The following SLFN11 variants were observed in gnomAD, a reference collection of about 807,000 sequenced individuals.
The protein encoded by SLFN11 is schlafen family member 11.
SLFN11 carries 43 observed loss-of-function variants against 53.4 expected under a neutral mutation model. The ratio of observed to expected loss-of-function variants is 0.80; its 90% CI spans 0.63 to 1.04. SLFN11 has a LOEUF of 1.04. Among genes scored for constraint, SLFN11 ranks in the 50% least tolerant of loss-of-function variants. The probability of loss-of-function intolerance (pLI) is 0.00; values close to 1 mark genes in which losing one functional copy is unlikely to be tolerated. For missense variants in SLFN11, 990 were observed against 1,079.1 expected, an observed-to-expected ratio of 0.92 and a Z score of 1.16; for synonymous variants, 389 against 394.7, an observed-to-expected ratio of 0.99 and a Z score of 0.17.
intron 1 of SLFN11, among the ~76,000 whole-genome samples, chr17:35,369,866 A>G (rs1909433522): frequency 6.6e-6 from 1 of 152,142 alleles, no homozygotes; most frequent in Non-Finnish European, 1.5e-5. Context: ...GAACAAAGCC[A>G]TAATAAAAAG....
intron 5 of SLFN11, among the ~76,000 whole-genome samples, chr17:35,357,763 A>G (rs1218289450): frequency 6.9e-6 from 1 of 145,446 alleles, no homozygotes; most frequent in Non-Finnish European, 1.5e-5. Context: ...TAATATAAAT[A>G]TATAATATAT....
chr17:35,352,500 A>G lies in SLFN11; in HGVS notation c.2562T>C (p.Val854=), dbSNP rs769463245. 2.7e-5 allele frequency: 43 copies of G among 1,614,164 alleles called. No individual in the cohort carries two copies. The East Asian group carries it at 4.5e-4, about 17-fold the overall frequency. Residue 854 remains valine (V), a synonymous_variant, in exon 7 of 7, where the codon GTT becomes GTC. Coordinates refer to ENST00000685675, the MANE Select transcript of SLFN11 (RefSeq NM_001376007.1). ...MLGDHIVLDS[V]RRFSGLERSI... ...TCCTTTCCAGGCCTGAGAATCGCCGAACACTGTCCAACACAATGTGATCAC... is the reference window on the plus strand; with the variant it reads ...TCCTTTCCAGGCCTGAGAATCGCCGGACACTGTCCAACACAATGTGATCAC...
Position 35,363,471 on chromosome 17 carries a change from C to T in SLFN11, c.337G>A (p.Gly113Ser). 1 of 1,613,926 alleles carries T rather than the reference C, an allele frequency of 6.2e-7. No individual in the cohort carries two copies. The highest frequency in any genetic ancestry group is 8.5e-7 in the Non-Finnish European group (1 of 1,179,966). ...ACAGAGCGATCTTCAGGGAAAGGGC[C>T]ACTGCTCCAAGATTTAACAAAAATG... ...FYIFVKSWSS[G>S]PFPEDRSVKP... Residue 113 changes from glycine (G) to serine (S), a missense_variant, in exon 4 of 7, where the codon GGC becomes AGC. By Grantham distance (56) the Gly-to-Ser change is moderately conservative. Around this residue, in one of 3 missense-constraint regions of SLFN11, gnomAD observed 521 missense variants for 516.2 expected, o/e 1.01. Coordinates refer to ENST00000685675, the MANE Select transcript of SLFN11 (RefSeq NM_001376007.1).
rs371572826 is a variant in SLFN11 at position 35,353,137 on chromosome 17, T to A, written c.1925A>T (p.Asp642Val). ...GGTCTCTGCTCGGCAGATATTTCTA[T>A]CACTGTAAAAATTAAAAGAACACAC... ...ENQPLRNFIS[D>V]RNICRAETRK... is the part of the protein sequence containing the mutation. Residue 642 changes from aspartate (D) to valine (V), a missense_variant and splice_region_variant, in exon 7 of 7, where the codon GAT becomes GTT. Asp to Val is a radical substitution (Grantham distance 152). Transcript: ENST00000685675. 12 of 1,610,236 alleles carry A rather than the reference T, an allele frequency of 7.5e-6. No homozygotes were observed. Among genetic ancestry groups the A allele is most frequent in the South Asian group, 4.4e-5 (4 of 90,306 alleles).
In SLFN11 at chr17:35,370,279, T is replaced by C. The variant is rs77327537; in HGVS notation, c.-234-2579A>G. ...TGAGAAAGCACTTAATAAAACTCAT[T>C]ATCCCTTCATGGAAAACTCCTCAAA... On this transcript the variant is annotated intron_variant, in intron 1 of 6. Transcript: ENST00000685675. 7.2e-5 allele frequency among the ~76,000 whole-genome samples: 11 copies of C among 152,196 alleles called. No individual in the cohort carries two copies. The East Asian group carries it at 2.1e-3, about 29-fold the overall frequency.
chr17:35,356,906 A>T (rs1343858400), intron 5 of SLFN11, among the ~76,000 whole-genome samples: 1 of 151,844 alleles, frequency 6.6e-6, no homozygotes. Context: ...CCTCCAATGG[A>T]GTTGTACCAA....
At chr17:35,371,506 A>G (rs1909654124) in intron 1 of SLFN11, among the ~76,000 whole-genome samples, 1 of 152,146 alleles carries the variant, frequency 6.6e-6, no homozygotes. Context: ...CTGCACAGCA[A>G]AGAACGCAAT....
chr17:35,363,832 A>G lies in SLFN11; in HGVS notation c.-19-6T>C. Reference sequence around the variant, plus strand: ...TGTTGAACTCACAGCTGAAACTATTAGAAGAAATGAAGTGTTACATGCATG... The same window carrying G: ...TGTTGAACTCACAGCTGAAACTATTGGAAGAAATGAAGTGTTACATGCATG... On this transcript the variant is annotated splice_region_variant and splice_polypyrimidine_tract_variant and intron_variant, in intron 3 of 6. Transcript: ENST00000685675. 6.5e-7 allele frequency: 1 copy of G among 1,530,120 alleles called. No individual in the cohort carries two copies. The highest frequency in any genetic ancestry group is 8.8e-7 in the Non-Finnish European group (1 of 1,142,008). The allele number at this position is 1,530,120 out of a possible 1,614,324, so 94.8% of individuals were successfully genotyped here. A position where few individuals can be genotyped will look rare whatever the true frequency, so the allele number is the denominator to read the frequency against.
At chr17:35,372,628 T>C (rs1266417944) in intron 1 of SLFN11, among the ~76,000 whole-genome samples, 1 of 151,990 alleles carries the variant, frequency 6.6e-6, no homozygotes, top group Non-Finnish European at 1.5e-5. Context: ...TAAAAACTAA[T>C]GAGCATAATT....
rs1013264563 is a variant in SLFN11, at chr17:35,360,281, A to T, written c.1160T>A (p.Leu387Gln). 5.6e-6 allele frequency: 9 copies of T among 1,611,376 alleles called. No homozygotes were observed. The highest frequency in any genetic ancestry group is 1.3e-5 in the African/African-American group (1 of 74,444). The change falls in exon 5 of 7, where the codon CTG (leucine) becomes CAG (glutamine). Residue 387 changes from leucine to glutamine, a missense_variant. By Grantham distance (113) the Leu-to-Gln change is moderately radical (BLOSUM62 -2). This residue lies in a region of SLFN11 where 521 missense variants were observed against 516.2 expected (regional missense o/e 1.01). Coordinates refer to ENST00000685675, the MANE Select transcript of SLFN11 (RefSeq NM_001376007.1). ...TTGCTGGAGTTCCTTTTTATGTTCC[A>T]GGCCTTTCTTGGAGTACACTGGTCT... ...LSRPVYSKKG[L>Q]EHKKELQQLL...
chr17:35,373,272 C>A (rs998285969), intron 1 of SLFN11, among the ~76,000 whole-genome samples: 122 of 141,444 alleles, frequency 8.6e-4, no homozygotes, highest in Non-Finnish European at 1.6e-3. Flanking sequence ...CCATTACCCA[C>A]CCCCGCCCCG....
chr17:35,352,482 C>G lies in SLFN11; in HGVS notation c.2580G>C (p.Leu860=). Reference sequence around the variant, plus strand: ...GGATCCCAAACACTATGCTCCTTTCCAGGCCTGAGAATCGCCGAACACTGT... The same window carrying G: ...GGATCCCAAACACTATGCTCCTTTCGAGGCCTGAGAATCGCCGAACACTGT... ...VLDSVRRFSG[L]ERSIVFGIHP... Residue 860 remains leucine (L), a synonymous_variant, in exon 7 of 7, where the codon CTG becomes CTC. Transcript: ENST00000685675. 1 of 1,614,160 alleles carries G rather than the reference C, an allele frequency of 6.2e-7. No individual in the cohort carries two copies. The highest frequency in any genetic ancestry group is 8.5e-7 in the Non-Finnish European group (1 of 1,180,024).
chr17:35,368,127 T>C (rs1909198220), intron 1 of SLFN11, among the ~76,000 whole-genome samples: 1 of 152,072 alleles, frequency 6.6e-6, no homozygotes, highest in African/African-American at 2.4e-5. Flanking sequence ...TCTGGGTGGT[T>C]CTTATTTTTT....
rs767890093 is a variant in SLFN11 at position 35,352,917 on chromosome 17, G to A, written c.2145C>T (p.Leu715=). 5.5e-5 allele frequency: 88 copies of A among 1,614,178 alleles called. 1 individual carries two copies. The South Asian group carries it at 8.7e-4, about 16-fold the overall frequency. ...TTGGATATTGGTCTGAGAGAGGAGGGAGGCCACTGCAATCCAAGTGGCTGG... is the reference window on the plus strand; with the variant it reads ...TTGGATATTGGTCTGAGAGAGGAGGAAGGCCACTGCAATCCAAGTGGCTGG... ...FQTSHLDCSG[L]PPLSDQYPRE... Residue 715 remains leucine, a synonymous_variant, in exon 7 of 7, where the codon CTC becomes CTT. Coordinates refer to ENST00000685675, the MANE Select transcript of SLFN11 (RefSeq NM_001376007.1).
At chr17:35,360,478 G>A (rs1367210428) in intron 4 of SLFN11, 107 bp from the exon 5 acceptor site, 8 of 1,066,496 alleles carry the variant, frequency 7.5e-6, no homozygotes, top group African/African-American at 1.7e-5. Context: ...TGACTTGAGA[G>A]ATAATATCAA....
In SLFN11 at chr17:35,353,842, G is replaced by A. The variant is rs778445384; in HGVS notation, c.1416C>T (p.Leu472=). 5 of 1,606,068 alleles carry A rather than the reference G, an allele frequency of 3.1e-6. No individual in the cohort carries two copies. Among genetic ancestry groups the A allele is most frequent in the African/African-American group, 2.7e-5 (2 of 74,238 alleles). Reference sequence around the variant, plus strand: ...CATCTTGCTCCCTGAGAATGGTGTAGAGAATGGGGGTGCTGTTCTGTGCTA... The same window carrying A: ...CATCTTGCTCCCTGAGAATGGTGTAAAGAATGGGGGTGCTGTTCTGTGCTA... ...LLIAQNSTPI[L]YTILREQDAE... Residue 472 remains leucine (L), a synonymous_variant, in exon 6 of 7, where the codon CTC becomes CTT. Transcript: ENST00000685675.
rs1567811986 is a variant in SLFN11 at position 35,350,562 on chromosome 17, CTCCAAAG to C, written c.*1787_*1793del. The C allele has an allele frequency of 6.6e-6, 1 of 152,168 alleles. No homozygotes were observed. Among genetic ancestry groups the C allele is most frequent in the African/African-American group, 2.4e-5 (1 of 41,424 alleles). 9.4% of individuals were successfully genotyped at this position (152,168 alleles called of 1,614,324 possible). ...ATTACTCTCAAAGACATTGCAACAACTCCAAAGTCCAGGGATCTTATAAGACTAATTT... is the reference window on the plus strand; with the variant it reads ...ATTACTCTCAAAGACATTGCAACAACTCCAGGGATCTTATAAGACTAATTT... On this transcript the variant is annotated 3_prime_UTR_variant, in exon 7 of 7. Coordinates refer to ENST00000685675, the MANE Select transcript of SLFN11 (RefSeq NM_001376007.1).
Position 35,352,912 on chromosome 17 carries a change from G to A in SLFN11, c.2150C>T (p.Pro717Leu), listed in dbSNP as rs774522465. 12 of 1,614,070 alleles carry A rather than the reference G, an allele frequency of 7.4e-6. No homozygotes were observed. The East Asian group carries it at 2.5e-4, about 33-fold the overall frequency. ...TTCTCTTGGATATTGGTCTGAGAGA[G>A]GAGGGAGGCCACTGCAATCCAAGTG... is the stretch of plus-strand genomic sequence containing the variant. ...TSHLDCSGLPPLSDQYPREEL... is the reference protein window; with the variant it reads ...TSHLDCSGLPLLSDQYPREEL... The change falls in exon 7 of 7, where the codon CCT (proline) becomes CTT (leucine). Residue 717 changes from proline (P) to leucine (L), a missense_variant. Physicochemically the swap from Pro to Leu is moderately conservative, Grantham distance 98 (BLOSUM62 -3). This residue lies in a region of SLFN11 where 313 missense variants were observed against 320.9 expected (regional missense o/e 0.98). Transcript: ENST00000685675.
At chr17:35,370,176 C>T (rs527714131) in intron 1 of SLFN11, among the ~76,000 whole-genome samples, 11 of 152,186 alleles carry the variant, frequency 7.2e-5, no homozygotes, top group Middle Eastern at 3.4e-3. Context: ...GATGGTTCAA[C>T]GTATGCAAAT....
Sources: allele counts gnomAD v4.1 joint callset (sites outside exome capture counted in the v4.1 genomes callset), GRCh38; gene constraint gnomAD v4.1.1; regional missense constraint gnomAD v4.1.1; transcripts MANE v1.5; gene names NCBI Gene and HGNC (gene_info 2026-07-23, HGNC 2026-07-21).